DST: variants seen among roughly 807,000 people sequenced by gnomAD.
DST encodes dystonin.
Under a neutral mutation model 875.2 loss-of-function variants are expected in DST, and 253 were observed. The ratio of observed to expected loss-of-function variants is 0.29; its 90% confidence interval spans 0.26 to 0.32. The LOEUF (loss-of-function observed/expected upper bound fraction) is 0.32, where lower values mean the gene tolerates loss of function less well. Among genes scored for constraint, DST ranks in the 10% least tolerant of loss-of-function variants. The pLI is 1.00. For missense variants in DST, 8,287 were observed against 9,111.6 expected (o/e 0.91, Z 3.68); for synonymous variants, 3,124 against 3,197.1 (o/e 0.98, Z 0.77).
intron 36 of DST, chr6:56,615,509 A>G: frequency 6.2e-7 from 1 of 1,614,004 alleles, no homozygotes; most frequent in Non-Finnish European, 8.5e-7. Flanking sequence ...TTATTTAAAC[A>G]TGTCCCATTA....
chr6:56,550,123 C>T (rs998681762), intron 61 of DST, among the ~76,000 whole-genome samples: 1 of 152,160 alleles, frequency 6.6e-6, no homozygotes, highest in Non-Finnish European at 1.5e-5. Flanking sequence ...AATACACACA[C>T]ACACATACAC....
chr6:56,892,390 C>G (rs894111565), intron 3 of DST, among the ~76,000 whole-genome samples: 7 of 146,652 alleles, frequency 4.8e-5, no homozygotes, highest in Non-Finnish European at 8.9e-5. Context: ...GCAGCATGAT[C>G]ATGGCTTACT....
chr6:56,858,729 A>T (rs1769362695), intron 3 of DST, among the ~76,000 whole-genome samples: 1 of 152,244 alleles, frequency 6.6e-6, no homozygotes, highest in East Asian at 1.9e-4. Flanking sequence ...ATCAAGGCTC[A>T]GCACTAAGAC....
At position 56,634,379 on chromosome 6, in the gene DST, G is replaced by T. The variant is rs368510374; in HGVS notation, c.3494+83C>A. On this transcript the variant is annotated intron_variant, in intron 26 of 103. Transcript: ENST00000680361. ...TTCTAGAGACTTTTGATCCTGTGGG[G>T]CCTTGACAAAGTATTGATTGTTCCT... 5.3e-5 allele frequency: 85 copies of T among 1,605,144 alleles called. No individual in the cohort carries two copies. In the African/African-American group the frequency reaches 1.0e-3, roughly 20 times the overall value.
At chr6:56,940,601 A>C (rs549478371) in intron 2 of DST, among the ~76,000 whole-genome samples, 1 of 151,310 alleles carries the variant, frequency 6.6e-6, no homozygotes, top group East Asian at 1.9e-4. Context: ...CTTTATTTTG[A>C]GACAGGGTCT....
chr6:56,894,541 CCA>C (rs1789864631), intron 3 of DST, among the ~76,000 whole-genome samples: 1 of 66,098 alleles, frequency 1.5e-5, no homozygotes, highest in Non-Finnish European at 2.8e-5. Flanking sequence ...CTGACCCCCC[CCA>C]CCTCCCTCCT....
intron 22 of DST, 125 bp downstream of exon 22, chr6:56,639,134 T>C: frequency 2.4e-6 from 2 of 831,030 alleles, no homozygotes. Context: ...GTCAGAAACA[T>C]TTCTGAGCCA....
At chr6:56,600,023 G>A (rs368190406) in intron 45 of DST, 46 bp downstream of exon 45, 21 of 1,518,644 alleles carry the variant, frequency 1.4e-5, no homozygotes, top group Non-Finnish European at 1.9e-5. Flanking sequence ...GATAGTAATC[G>A]AACATAACAT....
intron 3 of DST, among the ~76,000 whole-genome samples, chr6:56,897,363 A>G (rs1373550641): frequency 1.3e-5 from 2 of 149,706 alleles, no homozygotes; most frequent in Non-Finnish European, 1.5e-5. Flanking sequence ...ACGTAGTCTC[A>G]CTCTATTGCC....
intron 3 of DST, among the ~76,000 whole-genome samples, chr6:56,898,539 T>C (rs1792549657): frequency 6.6e-6 from 1 of 152,146 alleles, no homozygotes; most frequent in African/African-American, 2.4e-5. Flanking sequence ...GAGAAACAAT[T>C]CACCTATTCC....
At chr6:56,691,936 CT>C (rs2099233010) in intron 9 of DST, among the ~76,000 whole-genome samples, 1 of 152,188 alleles carries the variant, frequency 6.6e-6, no homozygotes, top group Admixed American at 6.5e-5. Flanking sequence ...GCTTTTCAAA[CT>C]CATGAATCAG....
intron 36 of DST, chr6:56,617,475 A>G: frequency 7.2e-7 from 1 of 1,388,542 alleles, no homozygotes; most frequent in Non-Finnish European, 1.0e-6. Flanking sequence ...ATGTCACTTT[A>G]TCCATTCTCA....
intron 36 of DST, chr6:56,620,565 C>T: frequency 1.2e-6 from 2 of 1,614,010 alleles, no homozygotes; most frequent in Non-Finnish European, 1.7e-6. Flanking sequence ...TCTTCCTCTA[C>T]TCGGGACTTT....
intron 7 of DST, among the ~76,000 whole-genome samples, chr6:56,702,775 T>C (rs1391192541): frequency 1.3e-5 from 2 of 152,172 alleles, no homozygotes; most frequent in Non-Finnish European, 2.9e-5. Flanking sequence ...ATACAAAAAA[T>C]GGAGCTGAAA....
At chr6:56,890,730 G>A (rs1786992852) in intron 3 of DST, among the ~76,000 whole-genome samples, 1 of 152,142 alleles carries the variant, frequency 6.6e-6, no homozygotes, top group South Asian at 2.1e-4. Context: ...CACTTCAAGA[G>A]GATGGTCTGA....
chr6:56,636,718 T>G lies in DST; in HGVS notation c.2965-66A>C, dbSNP rs564565052. 314 of 1,246,466 alleles carry G rather than the reference T, an allele frequency of 2.5e-4. 1 individual carries two copies. The African/African-American group carries it at 3.6e-3, about 14-fold the overall frequency. The allele number at this position is 1,246,466 out of a possible 1,614,324, so 77.2% of individuals were successfully genotyped here. ...AATAAGGCACACATACCTTTTGATA[T>G]CGATGCTTCTAAATGCTAACTCTAC... On this transcript the variant is annotated intron_variant, in intron 22 of 103. Coordinates refer to ENST00000680361, the MANE Select transcript of DST (RefSeq NM_001374736.1).
chr6:56,490,570 A>ATC (rs2095703443), intron 85 of DST, among the ~76,000 whole-genome samples: 11 of 152,164 alleles, frequency 7.2e-5, no homozygotes, highest in Admixed American at 7.2e-4. Flanking sequence ...CTCATTACAA[A>ATC]CCTTCATATC....
chr6:56,946,092 G>A (rs9396238), intron 2 of DST, among the ~76,000 whole-genome samples: 14,369 of 152,110 alleles, frequency 0.094, 923 homozygotes, highest in East Asian at 0.18. Flanking sequence ...TTTTAAGTAG[G>A]CCCAAGACAG....
At chr6:56,520,599 C>T (rs2096677514) in intron 69 of DST, among the ~76,000 whole-genome samples, 1 of 151,984 alleles carries the variant, frequency 6.6e-6, no homozygotes, top group African/African-American at 2.4e-5. Flanking sequence ...TGCAGGTGAA[C>T]TTAGAATTAT....
Sources: allele counts gnomAD v4.1 joint callset (sites outside exome capture counted in the v4.1 genomes callset), GRCh38; gene constraint gnomAD v4.1.1; transcripts MANE v1.5; gene names NCBI Gene and HGNC (gene_info 2026-07-23, HGNC 2026-07-21).